Variants in DYNC1I2 observed in about 807,000 individuals in gnomAD.
DYNC1I2 encodes cytoplasmic dynein 1 intermediate chain 2.
DYNC1I2 carries 53 observed loss-of-function variants against 88.6 expected under a neutral mutation model. That is an observed-to-expected ratio of 0.60 (90% CI 0.48 to 0.75). DYNC1I2 has a LOEUF of 0.75. Among genes scored for constraint, DYNC1I2 ranks in the 30% least tolerant of loss-of-function variants. The pLI is 0.00. For missense variants in DYNC1I2, 458 were observed against 766.6 expected, an observed-to-expected ratio of 0.60 and a Z score of 4.75; for synonymous variants, 198 against 254.6, an observed-to-expected ratio of 0.78 and a Z score of 2.12.
At chr2:171,711,408 C>T (rs1687119176) in intron 5 of DYNC1I2, among the ~76,000 whole-genome samples, 1 of 152,134 alleles carries the variant, frequency 6.6e-6, no homozygotes, top group Admixed American at 6.5e-5. Context: ...CAGGTATGTC[C>T]AGTGCATTTT....
chr2:171,718,150 G>A (rs564607821), intron 7 of DYNC1I2, among the ~76,000 whole-genome samples: 4 of 151,968 alleles, frequency 2.6e-5, no homozygotes, highest in Non-Finnish European at 5.9e-5. Context: ...AGACTTGGGG[G>A]TCTCGCCATG....
chr2:171,738,035 G>T (rs1689135797), intron 15 of DYNC1I2, among the ~76,000 whole-genome samples: 1 of 151,942 alleles, frequency 6.6e-6, no homozygotes, highest in South Asian at 2.1e-4. Context: ...TGGAATCATA[G>T]AGTAGAAAAT....
In DYNC1I2 at chr2:171,719,267, A is replaced by G. The variant is rs937438339; in HGVS notation, c.511+3824A>G. On this transcript the variant is annotated intron_variant, in intron 7 of 17. Transcript: ENST00000397119. ...TATTTGGGCAGTATCCTTTGGGGGA[A>G]AAAATGAGATAATTTGTTTTCTATA... 3.3e-5 allele frequency among the ~76,000 whole-genome samples: 5 copies of G among 152,206 alleles called. No individual in the cohort carries two copies. The South Asian group carries it at 6.2e-4, about 19-fold the overall frequency.
At chr2:171,735,784 T>C (rs1255319162) in intron 15 of DYNC1I2, among the ~76,000 whole-genome samples, 1 of 152,234 alleles carries the variant, frequency 6.6e-6, no homozygotes, top group Non-Finnish European at 1.5e-5. Flanking sequence ...TGGGTAGACC[T>C]GGTAGATTCA....
intron 15 of DYNC1I2, among the ~76,000 whole-genome samples, chr2:171,740,765 TTA>T (rs1209502832): frequency 6.6e-6 from 1 of 152,206 alleles, no homozygotes; most frequent in Non-Finnish European, 1.5e-5. Context: ...ATCTCTTCTT[TTA>T]AAATAAGTTT....
chr2:171,721,121 TAAAAAAAAAA>T (rs1170082849), intron 7 of DYNC1I2, among the ~76,000 whole-genome samples: 1 of 60,778 alleles, frequency 1.6e-5, no homozygotes, highest in Non-Finnish European at 3.0e-5. Flanking sequence ...CCCCATCTCT[TAAAAAAAAAA>T]AAAAAAAAAA....
chr2:171,719,359 TAGAA>T (rs1275818345), intron 7 of DYNC1I2, among the ~76,000 whole-genome samples: 1 of 152,208 alleles, frequency 6.6e-6, no homozygotes, highest in Non-Finnish European at 1.5e-5. Flanking sequence ...GTATAAGTTT[TAGAA>T]AGAAGGAAAG....
intron 5 of DYNC1I2, among the ~76,000 whole-genome samples, chr2:171,712,146 C>T (rs1190802317): frequency 1.3e-5 from 2 of 152,090 alleles, no homozygotes; most frequent in East Asian, 1.9e-4. Flanking sequence ...TAGTTGTTTT[C>T]TTTAAGCAGA....
intron 15 of DYNC1I2, among the ~76,000 whole-genome samples, chr2:171,738,311 G>A (rs1165907263): frequency 6.6e-6 from 1 of 151,374 alleles, no homozygotes; most frequent in African/African-American, 2.4e-5. Context: ...CAGCCTGGGA[G>A]ACAAGAACGA....
chr2:171,698,340 T>C (rs1411499017), intron 3 of DYNC1I2, among the ~76,000 whole-genome samples: 1 of 152,146 alleles, frequency 6.6e-6, no homozygotes, highest in African/African-American at 2.4e-5. Flanking sequence ...TAATTACTCA[T>C]AGTCACCTCT....
intron 7 of DYNC1I2, among the ~76,000 whole-genome samples, chr2:171,722,052 A>C (rs1197337748): frequency 6.6e-6 from 1 of 152,142 alleles, no homozygotes; most frequent in Non-Finnish European, 1.5e-5. Flanking sequence ...ATGTATCTTA[A>C]ATGTACTGTG....
At chr2:171,733,529 A>G (rs1688785276) in intron 15 of DYNC1I2, among the ~76,000 whole-genome samples, 4 of 114,194 alleles carry the variant, frequency 3.5e-5, no homozygotes, top group Non-Finnish European at 6.6e-5. Context: ...GTGAGATGGT[A>G]TCTCATTGTG....
intron 3 of DYNC1I2, among the ~76,000 whole-genome samples, chr2:171,701,523 TACAAG>T (rs1686259756): frequency 6.6e-6 from 1 of 152,022 alleles, no homozygotes; most frequent in African/African-American, 2.4e-5. Flanking sequence ...TGAGTGTAGA[TACAAG>T]AGAGAAAGGG....
intron 6 of DYNC1I2, 96 bp from the exon 7 acceptor site, chr2:171,715,232 C>G (rs1177390651): frequency 1.5e-6 from 1 of 659,546 alleles, no homozygotes; most frequent in Non-Finnish European, 2.5e-6. Flanking sequence ...ATTGAAATTA[C>G]AATGTTGGGT....
At chr2:171,731,982 T>G (rs1372760387) in intron 15 of DYNC1I2, among the ~76,000 whole-genome samples, 1 of 152,208 alleles carries the variant, frequency 6.6e-6, no homozygotes, top group Non-Finnish European at 1.5e-5. Flanking sequence ...TCCTTACAAT[T>G]TTCACTTTGC....
intron 5 of DYNC1I2, among the ~76,000 whole-genome samples, chr2:171,711,394 T>C (rs1687117696): frequency 6.6e-6 from 1 of 152,210 alleles, no homozygotes; most frequent in South Asian, 2.1e-4. Flanking sequence ...AATGTAATAA[T>C]GTACAGGTAT....
rs1687733179 is a variant in DYNC1I2 at position 171,719,154 on chromosome 2, G to A, written c.511+3711G>A. ...TGTTGTCCTTTTAGTTACAGGTTGA[G>A]GTATATAAGTGAAGGAGAAGGGAAA... On this transcript the variant is annotated intron_variant, in intron 7 of 17. Transcript: ENST00000397119. Among the ~76,000 whole-genome samples, 3 of 151,952 alleles carry A rather than the reference G, an allele frequency of 2.0e-5. No individual in the cohort carries two copies. The South Asian group carries it at 6.2e-4, about 31-fold the overall frequency.
chr2:171,711,884 G>A (rs1687149315), intron 5 of DYNC1I2, among the ~76,000 whole-genome samples: 1 of 152,116 alleles, frequency 6.6e-6, no homozygotes, highest in Non-Finnish European at 1.5e-5. Context: ...ACTTTATTTA[G>A]TGGGGACTAT....
At chr2:171,729,560 C>G in intron 14 of DYNC1I2, 149 bp from the exon 15 acceptor site, 1 of 795,146 alleles carries the variant, frequency 1.3e-6, no homozygotes, top group Non-Finnish European at 2.0e-6. Context: ...GAATAACACT[C>G]AACAAAGTTA....
Sources: allele counts gnomAD v4.1 joint callset (sites outside exome capture counted in the v4.1 genomes callset), GRCh38; gene constraint gnomAD v4.1.1; transcripts MANE v1.5; gene names NCBI Gene and HGNC (gene_info 2026-07-23, HGNC 2026-07-21).